Variants in ELN observed in about 807,000 individuals in gnomAD.
The protein encoded by ELN is tropoelastin.
In ELN, 65 loss-of-function variants were observed where a neutral mutation model predicts 105.8. The ratio of observed to expected loss-of-function variants is 0.61; its 90% CI spans 0.50 to 0.75. The LOEUF (loss-of-function observed/expected upper bound fraction) is 0.75, where lower values mean the gene tolerates loss of function less well. ELN is among the 30% of genes least tolerant of loss of function. The probability of loss-of-function intolerance (pLI) is 0.00; values close to 1 mark genes in which losing one functional copy is unlikely to be tolerated. For missense variants in ELN, 882 were observed against 969.4 expected, an observed-to-expected ratio of 0.91 and a Z score of 1.20; for synonymous variants, 368 against 389.2, an observed-to-expected ratio of 0.95 and a Z score of 0.64.
intron 31 of ELN, among the ~76,000 whole-genome samples, chr7:74,066,525 C>T (rs1345619114): frequency 1.3e-5 from 2 of 152,060 alleles, no homozygotes; most frequent in Non-Finnish European, 2.9e-5. Context: ...CAAGATCGCA[C>T]CACTGCACTC....
At chr7:74,048,684 C>G in intron 15 of ELN, 128 bp downstream of exon 15, 1 of 1,040,080 alleles carries the variant, frequency 9.6e-7, no homozygotes, top group Admixed American at 2.0e-5. Flanking sequence ...TTCAACATCA[C>G]CCATCTATCT....
chr7:74,031,320 G>A (rs545962083), intron 1 of ELN, among the ~76,000 whole-genome samples: 5 of 152,184 alleles, frequency 3.3e-5, no homozygotes, highest in African/African-American at 9.6e-5. Context: ...TAATATCTGG[G>A]GGGAAAAAAA....
chr7:74,051,676 C>A, intron 15 of ELN, 74 bp from the exon 16 acceptor site: 1 of 1,554,796 alleles, frequency 6.4e-7, no homozygotes, highest in Non-Finnish European at 8.8e-7. Flanking sequence ...AAAACGCCGG[C>A]GTCTAAGTGG....
At chr7:74,056,082 C>T (rs530341950) in intron 19 of ELN, among the ~76,000 whole-genome samples, 189 bp from the exon 20 acceptor site, 16 of 152,280 alleles carry the variant, frequency 1.1e-4, no homozygotes, top group Non-Finnish European at 1.5e-4. Context: ...CCACTGCACC[C>T]GGCCCCACAT....
chr7:74,066,625 G>C (rs782391803), intron 31 of ELN, 107 bp from the exon 32 acceptor site: 263 of 994,796 alleles, frequency 2.6e-4, no homozygotes, highest in Non-Finnish European at 4.0e-4. Context: ...ATGGAGAGGA[G>C]GTGATCCCAG....
At position 74,069,034 on chromosome 7, in the gene ELN, A is replaced by G; in HGVS notation, c.*334A>G. ...CTGGTGCTCTTATCTTCCTGGGGGG[A>G]GGGAGGAGGGAAGGGTGGCCCCTCG... On this transcript the variant is annotated 3_prime_UTR_variant, in exon 33 of 33. Transcript: ENST00000252034. The G allele has an allele frequency of 9.4e-6, 4 of 425,644 alleles. No individual in the cohort carries two copies. Among genetic ancestry groups the G allele is most frequent in the Admixed American group, 3.6e-5 (1 of 27,950 alleles). The allele number at this position is 425,644 out of a possible 1,614,324, so 26.4% of individuals were successfully genotyped here. A position where few individuals can be genotyped will look rare whatever the true frequency, so the allele number is the denominator to read the frequency against.
In ELN at chr7:74,053,320, CTGTGTGTG is replaced by C. The variant is rs10579871; in HGVS notation, c.1096+43_1096+50del. 1.3e-3 allele frequency: 1,953 copies of C among 1,555,796 alleles called. No individual in the cohort carries two copies. The highest frequency in any genetic ancestry group is 3.5e-3 in the East Asian group (148 of 42,210). ...GTGCTGCGGTTCCAGGTGAGCTGGG[CTGTGTGTG>C]TGTGTGTGTGTGTGTGTGTGTGTGT... On this transcript the variant is annotated intron_variant, in intron 18 of 32. Coordinates refer to ENST00000252034, the MANE Select transcript of ELN (RefSeq NM_000501.4).
At chr7:74,053,732 A>G (rs1205227850) in intron 18 of ELN, among the ~76,000 whole-genome samples, 1 of 147,608 alleles carries the variant, frequency 6.8e-6, no homozygotes, top group Admixed American at 6.7e-5. Context: ...GGGTGGGTGG[A>G]TGGATGGATG....
chr7:74,028,384 G>C, intron 1 of ELN, 115 bp downstream of exon 1: 1 of 1,243,586 alleles, frequency 8.0e-7, no homozygotes, highest in Non-Finnish European at 1.1e-6. Context: ...AGGGGTCCCA[G>C]GTGGGAGCCC....
chr7:74,047,671 C>T lies in ELN; in HGVS notation c.644-4C>T, dbSNP rs1792892773. ...CCCCTGAGTTTGCTCTGTCCTCTCT[C>T]CAGGTGGCTATGGACTGCCCTACAC... On this transcript the variant is annotated splice_polypyrimidine_tract_variant and splice_region_variant and intron_variant, in intron 12 of 32. Transcript: ENST00000252034. 1 of 1,614,162 alleles carries T rather than the reference C, an allele frequency of 6.2e-7. No homozygotes were observed. The highest frequency in any genetic ancestry group is 2.2e-5 in the East Asian group (1 of 44,886).
intron 22 of ELN, among the ~76,000 whole-genome samples, chr7:74,059,234 C>T (rs916818206): frequency 2.0e-5 from 3 of 152,080 alleles, no homozygotes; most frequent in Non-Finnish European, 4.4e-5. Flanking sequence ...CTGAGGTTCC[C>T]AGAGCTTAAG....
chr7:74,053,325 T>A lies in ELN; in HGVS notation c.1096+16T>A. On this transcript the variant is annotated intron_variant, in intron 18 of 32. Transcript: ENST00000252034. ...GCGGTTCCAGGTGAGCTGGGCTGTG[T>A]GTGTGTGTGTGTGTGTGTGTGTGTG... 3.3e-6 allele frequency: 1 copy of A among 306,698 alleles called. No individual in the cohort carries two copies. The highest frequency in any genetic ancestry group is 4.8e-6 in the Non-Finnish European group (1 of 209,142). 19.0% of individuals were successfully genotyped at this position (306,698 alleles called of 1,614,324 possible). A position where few individuals can be genotyped will look rare whatever the true frequency, so the allele number is the denominator to read the frequency against.
rs755725977 is a variant in ELN, at chr7:74,053,103, AC to A, written c.950-57del. 366 of 1,612,838 alleles carry A rather than the reference AC, an allele frequency of 2.3e-4. 3 individuals carry two copies. The highest frequency in any genetic ancestry group is 2.3e-4 in the Non-Finnish European group (269 of 1,179,546). ...CTGTCACTTCCATACTCTACTAACC[AC>A]CCTTCTAGCCCCTCTGAGGTTCCCA... On this transcript the variant is annotated intron_variant, in intron 17 of 32. Transcript: ENST00000252034.
chr7:74,054,841 C>T, intron 19 of ELN, 72 bp downstream of exon 19: 4 of 1,550,732 alleles, frequency 2.6e-6, no homozygotes, highest in Non-Finnish European at 3.6e-6. Flanking sequence ...GGACCCTCCT[C>T]TACTTGCCCA....
At chr7:74,066,447 A>T (rs1009702820) in intron 31 of ELN, among the ~76,000 whole-genome samples, 2 of 152,078 alleles carry the variant, frequency 1.3e-5, no homozygotes, top group Non-Finnish European at 1.5e-5. Context: ...GACGCCTGTA[A>T]TCCCAGCTAC....
At position 74,053,407 on chromosome 7, in the gene ELN, TAAC is replaced by T. The variant is rs1279134486; in HGVS notation, c.1096+100_1096+102del. 150 of 1,543,472 alleles carry T rather than the reference TAAC, an allele frequency of 9.7e-5. 1 individual carries two copies. Among genetic ancestry groups the T allele is most frequent in the Non-Finnish European group, 6.9e-5 (79 of 1,145,844 alleles). ...ATTGCCAAAATTTTTGCATTCTCCC[TAAC>T]ACCATAACCATCTGCCCATACCCTT... is the stretch of plus-strand genomic sequence containing the variant. On this transcript the variant is annotated intron_variant, in intron 18 of 32. Coordinates refer to ENST00000252034, the MANE Select transcript of ELN (RefSeq NM_000501.4).
intron 17 of ELN, chr7:74,052,687 AAGGG>A (rs1176467727): frequency 3.8e-4 from 54 of 141,152 alleles, no homozygotes; most frequent in Middle Eastern, 7.1e-3. Context: ...GGAAGGAAGG[AAGGG>A]AGGGAGGGAG....
rs782688833 is a variant in ELN at position 74,059,995 on chromosome 7, T to A, written c.1524T>A (p.Gly508=). The A allele has an allele frequency of 1.1e-5, 18 of 1,613,194 alleles. No individual in the cohort carries two copies. In the South Asian group the frequency reaches 2.0e-4, roughly 18 times the overall value. ...GAGTTGGCGTGGCTCCTGGAGTTGG[T>A]GTGGCTCCTGGCGTTGGCGTGGCTC... The part of the protein sequence containing the change: ...APGVGVAPGV[G]VAPGVGVAPG... The change falls in exon 23 of 33, where the codon GGT becomes GGA. Residue 508 remains glycine (G), a synonymous_variant. Transcript: ENST00000252034.
rs545160369 is a variant in ELN, at chr7:74,061,601, G to A, written c.1786+462G>A. On this transcript the variant is annotated intron_variant, in intron 26 of 32. Coordinates refer to ENST00000252034, the MANE Select transcript of ELN (RefSeq NM_000501.4). ...CAGGAGATGGAGGTTGCAGTGAGCC[G>A]AGATCACGCCACTGCACTCCGGCCT... Among the ~76,000 whole-genome samples the A allele has an allele frequency of 5.9e-5, 9 of 152,244 alleles. No homozygotes were observed. The South Asian group carries it at 1.4e-3, about 25-fold the overall frequency.
Sources: allele counts gnomAD v4.1 joint callset (sites outside exome capture counted in the v4.1 genomes callset), GRCh38; gene constraint gnomAD v4.1.1; transcripts MANE v1.5; gene names NCBI Gene and HGNC (gene_info 2026-07-23, HGNC 2026-07-21).